Variants in CEP170 observed in about 807,000 individuals in gnomAD.
The protein encoded by CEP170 is centrosomal protein of 170 kDa.
A neutral mutation model predicts 151.9 loss-of-function variants in CEP170; 21 were observed. The observed-to-expected ratio is 0.14, with a 90% CI of 0.10 to 0.20. The LOEUF is 0.20. Ranked by LOEUF, CEP170 falls within the 10% of genes least tolerant of loss-of-function variation. The pLI, the probability that CEP170 is intolerant of heterozygous loss-of-function variation, is 1.00. For missense variants in CEP170, 964 were observed against 1,892.9 expected (o/e 0.51, Z 9.11); for synonymous variants, 356 against 648.8 (o/e 0.55, Z 6.86).
At chr1:243,233,740 AAAT>A (rs2063987564) in intron 1 of CEP170, among the ~76,000 whole-genome samples, 1 of 124,844 alleles carries the variant, frequency 8.0e-6, no homozygotes, top group African/African-American at 3.0e-5. Flanking sequence ...CTCAAAAAAA[AAAT>A]ATATATATAT....
intron 7 of CEP170, among the ~76,000 whole-genome samples, chr1:243,196,139 T>C (rs1178973362): frequency 2.6e-5 from 4 of 152,148 alleles, no homozygotes; most frequent in African/African-American, 7.2e-5. Flanking sequence ...TCAATTTTTA[T>C]GGCTATTTGA....
intron 3 of CEP170, among the ~76,000 whole-genome samples, chr1:243,212,611 A>G (rs2148916605): frequency 6.6e-6 from 1 of 152,352 alleles, no homozygotes; most frequent in Non-Finnish European, 1.5e-5. Context: ...TGATCCAAAT[A>G]ATAAGACAAA....
At chr1:243,142,723 C>T (rs1265035056) in intron 14 of CEP170, among the ~76,000 whole-genome samples, 2 of 152,188 alleles carry the variant, frequency 1.3e-5, no homozygotes, top group Non-Finnish European at 2.9e-5. Flanking sequence ...ATGCCCTTAA[C>T]ACACACTGTG....
At chr1:243,248,648 G>A (rs532336567) in intron 1 of CEP170, among the ~76,000 whole-genome samples, 1 of 152,124 alleles carries the variant, frequency 6.6e-6, no homozygotes, top group East Asian at 1.9e-4. Flanking sequence ...TGTCGCTCTA[G>A]TCTAAGCCAT....
chr1:243,143,715 T>C (rs530261784), intron 14 of CEP170, among the ~76,000 whole-genome samples: 110 of 142,482 alleles, frequency 7.7e-4, no homozygotes, highest in African/African-American at 2.8e-3. Flanking sequence ...CCAAAGGAAA[T>C]ACAAAGTAAC....
chr1:243,189,984 G>A (rs991217895), intron 8 of CEP170, among the ~76,000 whole-genome samples: 5 of 152,034 alleles, frequency 3.3e-5, no homozygotes, highest in East Asian at 1.9e-4. Context: ...CTCACTGTCC[G>A]GAAATGTCTT....
chr1:243,162,349 C>G (rs2058132209), intron 13 of CEP170, among the ~76,000 whole-genome samples: 1 of 152,158 alleles, frequency 6.6e-6, no homozygotes, highest in Non-Finnish European at 1.5e-5. Flanking sequence ...GTGCCCAGGG[C>G]AGGTTATTTC....
At chr1:243,253,775 G>A (rs1476161809) in intron 1 of CEP170, among the ~76,000 whole-genome samples, 3 of 152,098 alleles carry the variant, frequency 2.0e-5, no homozygotes, top group Non-Finnish European at 4.4e-5. Context: ...AAGAAGCAAC[G>A]CCAGCAAACG....
intron 1 of CEP170, among the ~76,000 whole-genome samples, chr1:243,247,224 G>A (rs963935637): frequency 4.0e-5 from 6 of 150,304 alleles, no homozygotes; most frequent in Admixed American, 4.0e-4. Context: ...CTGGCCTAGG[G>A]AAAAAAAAAG....
intron 13 of CEP170, among the ~76,000 whole-genome samples, chr1:243,163,947 T>C (rs551986207): frequency 1.2e-4 from 19 of 152,314 alleles, no homozygotes; most frequent in African/African-American, 4.3e-4. Flanking sequence ...TTAAACCAGA[T>C]ACTTCCAGAT....
chr1:243,231,365 G>GA (rs909787274), intron 1 of CEP170, among the ~76,000 whole-genome samples: 1 of 151,310 alleles, frequency 6.6e-6, no homozygotes, highest in African/African-American at 2.4e-5. Context: ...TTAAAACTGT[G>GA]AAAAAAATTT....
In CEP170 at chr1:243,186,258, C is replaced by A. The variant is rs768649731; in HGVS notation, c.1272+1G>T. ...GCAATCATAAAAGCAGTTTGACTTACAACAGCTTGGTCTTGATGCTTTTCA... is the reference window on the plus strand; with the variant it reads ...GCAATCATAAAAGCAGTTTGACTTAAAACAGCTTGGTCTTGATGCTTTTCA... On this transcript the variant is annotated splice_donor_variant, in intron 9 of 19. Transcript: ENST00000366542. LOFTEE classifies it high-confidence loss of function. 4 of 1,613,722 alleles carry A rather than the reference C, an allele frequency of 2.5e-6. No individual in the cohort carries two copies. The highest frequency in any genetic ancestry group is 2.2e-5 in the South Asian group (2 of 91,070).
chr1:243,155,244 C>A (rs545455612), intron 14 of CEP170, among the ~76,000 whole-genome samples: 1 of 152,088 alleles, frequency 6.6e-6, no homozygotes, highest in Non-Finnish European at 1.5e-5. Context: ...AGTGAATAGT[C>A]TTTAAAAATA....
chr1:243,204,737 G>T (rs1356425143), intron 4 of CEP170, among the ~76,000 whole-genome samples: 5 of 152,028 alleles, frequency 3.3e-5, no homozygotes, highest in Admixed American at 6.6e-5. Context: ...TTCCCTTAAT[G>T]ATCTCATTCA....
In CEP170 at chr1:243,169,672, T is replaced by C; in HGVS notation, c.1799A>G (p.Glu600Gly). 6.2e-7 allele frequency: 1 copy of C among 1,612,566 alleles called. No individual in the cohort carries two copies. Among genetic ancestry groups the C allele is most frequent in the Admixed American group, 1.7e-5 (1 of 59,818 alleles). ...LAANHTRHDQ[E>G]ERIMEFSAPL... ...TGCAGAAAATTCCATTATCCTTTCT[T>C]CTTGATCATGCCTTGTATGATTGGC... Residue 600 changes from glutamate to glycine, a missense_variant, in exon 12 of 20, where the codon GAA becomes GGA. Coordinates refer to ENST00000366542, the MANE Select transcript of CEP170 (RefSeq NM_014812.3).
At position 243,199,209 on chromosome 1, in the gene CEP170, GA is replaced by G; in HGVS notation, c.497-16del. ...AGCAGAAATATCTGGAAAGAGGTGG[GA>G]AAAATCTGTCTAAAGCAGATGAAAC... is the stretch of plus-strand genomic sequence containing the variant. On this transcript the variant is annotated splice_polypyrimidine_tract_variant and intron_variant, in intron 6 of 19. Coordinates refer to ENST00000366542, the MANE Select transcript of CEP170 (RefSeq NM_014812.3). The G allele has an allele frequency of 6.2e-7, 1 of 1,606,324 alleles. No individual in the cohort carries two copies. The highest frequency in any genetic ancestry group is 8.5e-7 in the Non-Finnish European group (1 of 1,176,126).
intron 14 of CEP170, among the ~76,000 whole-genome samples, chr1:243,150,702 A>C (rs1466750063): frequency 6.6e-6 from 1 of 152,168 alleles, no homozygotes; most frequent in African/African-American, 2.4e-5. Flanking sequence ...ACACAAAATT[A>C]AAAGCTCCAA....
chr1:243,219,668 T>G (rs1319721395), intron 3 of CEP170, among the ~76,000 whole-genome samples: 1 of 152,234 alleles, frequency 6.6e-6, no homozygotes, highest in Non-Finnish European at 1.5e-5. Flanking sequence ...AGACTACCAC[T>G]GTTCATCTGT....
chr1:243,127,448 G>A (rs2053834277), intron 19 of CEP170, among the ~76,000 whole-genome samples: 1 of 152,152 alleles, frequency 6.6e-6, no homozygotes, highest in African/African-American at 2.4e-5. Context: ...TTGGGAGAAG[G>A]AAGTAACATA....
Sources: allele counts gnomAD v4.1 joint callset (sites outside exome capture counted in the v4.1 genomes callset), GRCh38; gene constraint gnomAD v4.1.1; transcripts MANE v1.5; gene names NCBI Gene and HGNC (gene_info 2026-07-23, HGNC 2026-07-21).